Variants in DPYD observed in about 807,000 individuals in gnomAD.
The protein encoded by DPYD is dihydropyrimidine dehydrogenase, also known as dihydropyrimidine dehydrogenase [NADP(+)].
In DPYD, 109 loss-of-function variants were observed where a neutral mutation model predicts 116.2. The observed-to-expected ratio is 0.94, with a 90% CI of 0.80 to 1.10. DPYD has a LOEUF of 1.10. Ranked by LOEUF, DPYD falls within the 50% of genes least tolerant of loss-of-function variation. The pLI is 0.00. For synonymous variants in DPYD, 440 were observed against 432.0 expected, an observed-to-expected ratio of 1.02 and a Z score of -0.23; for missense variants, 1,302 against 1,254.5, an observed-to-expected ratio of 1.04 and a Z score of -0.57.
At chr1:97,371,325 A>G (rs1029217187) in intron 16 of DPYD, among the ~76,000 whole-genome samples, 1 of 152,196 alleles carries the variant, frequency 6.6e-6, no homozygotes, top group African/African-American at 2.4e-5. Flanking sequence ...GGCTCTGACC[A>G]TGCATGCAGC....
intron 20 of DPYD, among the ~76,000 whole-genome samples, chr1:97,181,434 C>G (rs1233394475): frequency 6.6e-6 from 1 of 152,092 alleles, no homozygotes; most frequent in East Asian, 1.9e-4. Flanking sequence ...GAATGATGGA[C>G]TACTCATGAC....
intron 14 of DPYD, among the ~76,000 whole-genome samples, chr1:97,417,576 C>A (rs935139096): frequency 6.6e-6 from 1 of 152,180 alleles, no homozygotes; most frequent in Non-Finnish European, 1.5e-5. Context: ...CAAAGCTACA[C>A]ATAGTAAGCA....
chr1:97,306,411 G>A lies in DPYD; in HGVS notation c.2059-114C>T, dbSNP rs1667176144. 4.4e-6 allele frequency: 6 copies of A among 1,351,156 alleles called. No homozygotes were observed. The South Asian group carries it at 5.9e-5, about 13-fold the overall frequency. The allele number at this position is 1,351,156 out of a possible 1,614,324, so 83.7% of individuals were successfully genotyped here. On this transcript the variant is annotated intron_variant, in intron 16 of 22. Coordinates refer to ENST00000370192, the MANE Select transcript of DPYD (RefSeq NM_000110.4). ...CAAGACAAATCCAACTTGACAATGA[G>A]CTACATGATATATTTCTCAAATTCC...
intron 18 of DPYD, among the ~76,000 whole-genome samples, chr1:97,263,035 A>G (rs1663992361): frequency 6.6e-6 from 1 of 152,090 alleles, no homozygotes; most frequent in African/African-American, 2.4e-5. Context: ...GTGTTAATTC[A>G]ACAAGCTTGA....
chr1:97,616,188 C>A (rs960076530), intron 8 of DPYD, among the ~76,000 whole-genome samples: 1 of 150,526 alleles, frequency 6.6e-6, no homozygotes, highest in Admixed American at 6.6e-5. Context: ...CTGCTTTGTT[C>A]TTCTCGGCAT....
At chr1:97,546,013 T>C in intron 12 of DPYD, 2 of 1,372,502 alleles carry the variant, frequency 1.5e-6, no homozygotes, top group East Asian at 4.6e-5. Context: ...TTTCCATATG[T>C]GACCATGAAT....
chr1:97,584,691 C>T (rs1172574920), intron 10 of DPYD, among the ~76,000 whole-genome samples: 1 of 150,870 alleles, frequency 6.6e-6, no homozygotes, highest in Non-Finnish European at 1.5e-5. Flanking sequence ...CAGCAAACTA[C>T]CGCAACGACA....
chr1:97,148,559 T>C (rs1441133012), intron 20 of DPYD, among the ~76,000 whole-genome samples: 3 of 152,176 alleles, frequency 2.0e-5, no homozygotes, highest in East Asian at 1.9e-4. Flanking sequence ...TTTTGAAGTT[T>C]TTTTCTTTAA....
rs567156406 is a variant in DPYD at position 97,385,280 on chromosome 1, CAAAAAAAAAAAAAAAAAAAA to C, written c.1906-2839_1906-2820del. Among the ~76,000 whole-genome samples, 219 of 48,928 alleles carry C rather than the reference CAAAAAAAAAAAAAAAAAAAA, an allele frequency of 4.5e-3. 2 individuals carry two copies. The highest frequency in any genetic ancestry group is 0.012 in the African/African-American group (95 of 7,872). The allele number at this position is 48,928 out of a possible 152,430, so 32.1% of individuals were successfully genotyped here. On this transcript the variant is annotated intron_variant, in intron 14 of 22. Transcript: ENST00000370192. Reference sequence around the variant, plus strand: ...TACCTCTTGGTGTAGGCATTCCTTGCAAAAAAAAAAAAAAAAAAAAAAAAAAAAAAAAAAAAAAGAGAGAG... The same window carrying C: ...TACCTCTTGGTGTAGGCATTCCTTGCAAAAAAAAAAAAAAAAAAGAGAGAG...
At chr1:97,369,766 T>G (rs1351137265) in intron 16 of DPYD, among the ~76,000 whole-genome samples, 1 of 152,190 alleles carries the variant, frequency 6.6e-6, no homozygotes, top group Non-Finnish European at 1.5e-5. Context: ...AAGCGCAGCC[T>G]CCAGTATAAA....
At chr1:97,271,730 C>A (rs1224403691) in intron 18 of DPYD, among the ~76,000 whole-genome samples, 4 of 151,162 alleles carry the variant, frequency 2.6e-5, no homozygotes, top group Non-Finnish European at 5.9e-5. Flanking sequence ...TTGTACCTTA[C>A]CACATCCTCA....
At chr1:97,893,205 G>A (rs1672862359) in intron 1 of DPYD, among the ~76,000 whole-genome samples, 1 of 151,142 alleles carries the variant, frequency 6.6e-6, no homozygotes, top group African/African-American at 2.4e-5. Context: ...AAAGGATGAA[G>A]ACAACAGGTG....
intron 16 of DPYD, among the ~76,000 whole-genome samples, chr1:97,364,363 A>G (rs1318531348): frequency 6.6e-6 from 1 of 152,208 alleles, no homozygotes; most frequent in Non-Finnish European, 1.5e-5. Context: ...GAGGACTTTC[A>G]AAACTGAATA....
intron 13 of DPYD, among the ~76,000 whole-genome samples, chr1:97,461,037 GAA>G (rs374512056): frequency 4.3e-5 from 5 of 117,156 alleles, no homozygotes; most frequent in African/African-American, 9.5e-5. Flanking sequence ...AACTCCATCT[GAA>G]AAAAAAAAAA....
chr1:97,319,453 C>G (rs1668095604), intron 16 of DPYD, among the ~76,000 whole-genome samples: 1 of 125,790 alleles, frequency 7.9e-6, no homozygotes, highest in African/African-American at 3.1e-5. Context: ...ACTACAAACA[C>G]CTCTACGCAA....
chr1:97,449,340 A>C (rs1349877346), intron 14 of DPYD, among the ~76,000 whole-genome samples: 1 of 152,082 alleles, frequency 6.6e-6, no homozygotes, highest in Non-Finnish European at 1.5e-5. Flanking sequence ...GTATATTTGA[A>C]AGAGACAGAG....
At chr1:97,305,957 A>C (rs905258139) in intron 17 of DPYD, among the ~76,000 whole-genome samples, 2 of 151,956 alleles carry the variant, frequency 1.3e-5, no homozygotes, top group African/African-American at 4.8e-5. Context: ...AAAAACTATA[A>C]AGGATCTTGT....
intron 14 of DPYD, chr1:97,420,061 T>A (rs761833233): frequency 1.3e-5 from 2 of 151,666 alleles, no homozygotes; most frequent in African/African-American, 2.4e-5. Context: ...ACACTGGGAG[T>A]GGCAGTAAGG....
chr1:97,396,069 T>C lies in DPYD; in HGVS notation c.1906-13608A>G, dbSNP rs1277984604. The stretch of plus-strand genomic sequence containing the variant: ...ATCCCAAATTTGAGGTATTTTGTTA[T>C]ATAGGAAAAGCTAACTGATGCCACT... On this transcript the variant is annotated intron_variant, in intron 14 of 22. Coordinates refer to ENST00000370192, the MANE Select transcript of DPYD (RefSeq NM_000110.4). Among the ~76,000 whole-genome samples the C allele has an allele frequency of 4.8e-5, 7 of 145,664 alleles. No homozygotes were observed. In the East Asian group the frequency reaches 1.0e-3, roughly 21 times the overall value.
Sources: gnomAD v4.1 joint callset for allele counts (sites outside exome capture counted in the v4.1 genomes callset) on GRCh38, gnomAD v4.1.1 for gene constraint, MANE v1.5 for transcripts, NCBI Gene and HGNC (gene_info 2026-07-23, HGNC 2026-07-21) for gene names.